Variants in ADAM2 observed in about 807,000 individuals in gnomAD.
ADAM2 encodes the protein ADAM metallopeptidase domain 2.
In ADAM2, 101 loss-of-function variants were observed where a neutral mutation model predicts 99.3. That is an observed-to-expected ratio of 1.02 (90% confidence interval 0.87 to 1.20). ADAM2 has a LOEUF of 1.20. Ranked by LOEUF, ADAM2 falls within the 50% of genes most tolerant of loss-of-function variation. The probability of loss-of-function intolerance (pLI) is 0.00; values close to 1 mark genes in which losing one functional copy is unlikely to be tolerated. For synonymous variants in ADAM2, 323 were observed against 287.6 expected (o/e 1.12, Z -1.25); for missense variants, 948 against 878.7 (o/e 1.08, Z -1.00).
rs368100644 is a variant in ADAM2, at chr8:39,838,204, C to G, written c.-19G>C. ...GCCACATGGCTTGAAGTCCTGGGTC[C>G]CAGCCGGAATAATGGCAGTTGGTGG... On this transcript the variant is annotated 5_prime_UTR_variant, in exon 1 of 21. Coordinates refer to ENST00000265708, the MANE Select transcript of ADAM2 (RefSeq NM_001464.5). 1.0e-4 allele frequency: 161 copies of G among 1,614,006 alleles called. No individual in the cohort carries two copies. The highest frequency in any genetic ancestry group is 1.3e-4 in the Non-Finnish European group (152 of 1,180,024).
intron 7 of ADAM2, among the ~76,000 whole-genome samples, chr8:39,807,549 A>G (rs151008295): frequency 6.6e-6 from 1 of 152,256 alleles, no homozygotes; most frequent in African/African-American, 2.4e-5. Flanking sequence ...TCTTTGGGAT[A>G]TCATAAGGTT....
intron 3 of ADAM2, among the ~76,000 whole-genome samples, chr8:39,831,513 G>A (rs1805617527): frequency 6.6e-6 from 1 of 151,994 alleles, no homozygotes; most frequent in Non-Finnish European, 1.5e-5. Context: ...AAAATTGGGA[G>A]AAATCATGTA....
intron 6 of ADAM2, among the ~76,000 whole-genome samples, chr8:39,812,740 C>A (rs1243702312): frequency 2.0e-5 from 3 of 152,160 alleles, no homozygotes. Flanking sequence ...GAAACTGGAT[C>A]CCTTCCTTAC....
chr8:39,812,443 A>G (rs1365555883), intron 6 of ADAM2, among the ~76,000 whole-genome samples: 1 of 152,176 alleles, frequency 6.6e-6, no homozygotes, highest in African/African-American at 2.4e-5. Flanking sequence ...TTCATATGGA[A>G]CCAAAAATGA....
chr8:39,763,303 A>G (rs1240244663), intron 14 of ADAM2, among the ~76,000 whole-genome samples: 10 of 152,214 alleles, frequency 6.6e-5, no homozygotes, highest in Non-Finnish European at 1.5e-4. Context: ...ACAAACTTGC[A>G]AAATAGATGG....
chr8:39,763,720 A>G (rs959236873), intron 14 of ADAM2, among the ~76,000 whole-genome samples: 5 of 152,244 alleles, frequency 3.3e-5, no homozygotes, highest in Non-Finnish European at 4.4e-5. Flanking sequence ...TTTGCAATGA[A>G]CTTCTTTATT....
Position 39,838,197 on chromosome 8 carries a change from C to G in ADAM2, c.-12G>C, listed in dbSNP as rs755047640. The stretch of plus-strand genomic sequence containing the variant: ...AAGACGCGCCACATGGCTTGAAGTC[C>G]TGGGTCCCAGCCGGAATAATGGCAG... On this transcript the variant is annotated 5_prime_UTR_variant, in exon 1 of 21. Transcript: ENST00000265708. The G allele has an allele frequency of 1.9e-6, 3 of 1,614,032 alleles. No individual in the cohort carries two copies.
intron 7 of ADAM2, among the ~76,000 whole-genome samples, chr8:39,789,363 A>C (rs907656842): frequency 6.6e-6 from 1 of 151,754 alleles, no homozygotes; most frequent in Non-Finnish European, 1.5e-5. Flanking sequence ...GACTATAACA[A>C]AATTATAAGG....
intron 10 of ADAM2, among the ~76,000 whole-genome samples, chr8:39,778,965 C>T (rs933719923): frequency 6.6e-6 from 1 of 152,006 alleles, no homozygotes; most frequent in African/African-American, 2.4e-5. Context: ...ATGGAAACAA[C>T]AAGATCCAGT....
chr8:39,810,692 C>T (rs975734088), intron 6 of ADAM2, among the ~76,000 whole-genome samples: 16 of 152,102 alleles, frequency 1.1e-4, no homozygotes, highest in Non-Finnish European at 2.2e-4. Flanking sequence ...CTACTGGGTA[C>T]ATAACGAAAT....
At chr8:39,790,425 C>G (rs556513133) in intron 7 of ADAM2, among the ~76,000 whole-genome samples, 1 of 151,952 alleles carries the variant, frequency 6.6e-6, no homozygotes, top group Admixed American at 6.6e-5. Context: ...AGTCATAAAT[C>G]ATTACATATT....
intron 6 of ADAM2, among the ~76,000 whole-genome samples, chr8:39,810,412 C>A (rs1198869348): frequency 6.6e-6 from 1 of 152,180 alleles, no homozygotes; most frequent in African/African-American, 2.4e-5. Flanking sequence ...AGGACTTGAA[C>A]TCAGCTCTGC....
chr8:39,765,709 A>T (rs1317345173), intron 14 of ADAM2, among the ~76,000 whole-genome samples: 3 of 152,184 alleles, frequency 2.0e-5, no homozygotes, highest in Admixed American at 1.3e-4. Flanking sequence ...CCATTTTCCC[A>T]GGACAACACT....
At chr8:39,753,979 T>TGG (rs1481130080) in intron 16 of ADAM2, among the ~76,000 whole-genome samples, 1 of 152,234 alleles carries the variant, frequency 6.6e-6, no homozygotes, top group African/African-American at 2.4e-5. Context: ...ATCTTAATGT[T>TGG]GGGGTCAACC....
At position 39,767,153 on chromosome 8, in the gene ADAM2, T is replaced by G. The variant is rs778495497; in HGVS notation, c.1311A>C (p.Leu437=). ...TTGAAATTTTTCAAAAAGCTCTTAC[T>G]AGACAGTTTTCGCAGCATGGTCCTT... ...CAEGPCCENC[L]FMSKERMCRP... is the part of the protein sequence containing the mutation. Residue 437 remains leucine, a splice_region_variant and synonymous_variant, in exon 13 of 21, where the codon CTA becomes CTC. Coordinates refer to ENST00000265708, the MANE Select transcript of ADAM2 (RefSeq NM_001464.5). 1.2e-6 allele frequency: 2 copies of G among 1,605,974 alleles called. No homozygotes were observed. Among genetic ancestry groups the G allele is most frequent in the Non-Finnish European group, 1.7e-6 (2 of 1,178,020 alleles).
chr8:39,829,787 A>C (rs2129589054), intron 3 of ADAM2, among the ~76,000 whole-genome samples: 1 of 152,222 alleles, frequency 6.6e-6, no homozygotes, highest in East Asian at 1.9e-4. Context: ...TGGATGCTAT[A>C]CAGTAATAAA....
At chr8:39,836,743 A>G (rs1195893007) in intron 2 of ADAM2, among the ~76,000 whole-genome samples, 1 of 152,238 alleles carries the variant, frequency 6.6e-6, no homozygotes, top group Non-Finnish European at 1.5e-5. Flanking sequence ...CATTAATATA[A>G]CACATCATTA....
chr8:39,836,318 A>G (rs190629628), intron 2 of ADAM2, among the ~76,000 whole-genome samples: 1 of 152,270 alleles, frequency 6.6e-6, no homozygotes, highest in African/African-American at 2.4e-5. Flanking sequence ...TAACATCTCC[A>G]TAATAATTTT....
At chr8:39,802,459 T>A (rs1021887504) in intron 7 of ADAM2, among the ~76,000 whole-genome samples, 2 of 152,222 alleles carry the variant, frequency 1.3e-5, no homozygotes, top group African/African-American at 2.4e-5. Context: ...ATTCTAGCTC[T>A]GTTCATTGTT....
Sources: gnomAD v4.1 joint callset for allele counts (sites outside exome capture counted in the v4.1 genomes callset) on GRCh38, gnomAD v4.1.1 for gene constraint, MANE v1.5 for transcripts, NCBI Gene and HGNC (gene_info 2026-07-23, HGNC 2026-07-21) for gene names.